Variants in C1orf54 observed in about 807,000 individuals in gnomAD.
C1orf54 encodes chromosome 1 open reading frame 54, also known as uncharacterized protein C1orf54.
A neutral mutation model predicts 14.7 loss-of-function variants in C1orf54; 12 were observed. The observed-to-expected ratio is 0.82, with a 90% CI of 0.52 to 1.32. C1orf54 has a LOEUF of 1.32. Ranked by LOEUF, C1orf54 falls within the 40% of genes most tolerant of loss-of-function variation. C1orf54 has a pLI of 0.00. For synonymous variants in C1orf54, 65 were observed against 56.3 expected, an observed-to-expected ratio of 1.16 and a Z score of -0.70; for missense variants, 163 against 162.2, an observed-to-expected ratio of 1.00 and a Z score of -0.03.
At chr1:150,275,926 C>T in intron 3 of C1orf54, 127 bp downstream of exon 3, 1 of 762,022 alleles carries the variant, frequency 1.3e-6, no homozygotes, top group Non-Finnish European at 2.1e-6. Flanking sequence ...CATTTGAGGT[C>T]AAGAGTTTGA....
intron 4 of C1orf54, among the ~76,000 whole-genome samples, 164 bp from the exon 5 acceptor site, chr1:150,279,476 CAGA>C (rs1271613473): frequency 2.0e-5 from 3 of 152,124 alleles, no homozygotes; most frequent in Non-Finnish European, 2.9e-5. Flanking sequence ...CTGAAAGGCA[CAGA>C]AGGACTCCTT....
chr1:150,279,916 T>C (rs1652958367), intron 5 of C1orf54, among the ~76,000 whole-genome samples, 175 bp downstream of exon 5: 1 of 152,126 alleles, frequency 6.6e-6, no homozygotes, highest in Non-Finnish European at 1.5e-5. Flanking sequence ...CACTTTGGGA[T>C]GGTGACGTGG....
rs782264525 is a variant in C1orf54 at position 150,279,723 on chromosome 1, G to A, written c.381G>A (p.Gly127=). ...TGTCGTGTGCCTTTGTTCAGGTGGG[G>A]ATGTATTTCATGTAGAAGGTAAGAG... The part of the protein sequence containing the change: ...LLLSCAFVQV[G]MYFM The change falls in exon 5 of 6, where the codon GGG becomes GGA. Residue 127 remains glycine (G), a synonymous_variant. Coordinates refer to ENST00000369099, the MANE Select transcript of C1orf54 (RefSeq NM_024579.4). The A allele has an allele frequency of 1.4e-5, 23 of 1,612,334 alleles. No homozygotes were observed. The highest frequency in any genetic ancestry group is 2.0e-5 in the Non-Finnish European group (23 of 1,179,222).
At chr1:150,269,771 T>G (rs1652067557), upstream of C1orf54, among the ~76,000 whole-genome samples, 1 of 151,898 alleles carries the variant, frequency 6.6e-6, no homozygotes, top group Admixed American at 6.6e-5. Flanking sequence ...TGAATGAAAG[T>G]TAAAGTAGGC....
chr1:150,277,961 G>GT (rs1392394246), intron 4 of C1orf54, among the ~76,000 whole-genome samples: 17 of 152,290 alleles, frequency 1.1e-4, no homozygotes, highest in Admixed American at 7.8e-4. Flanking sequence ...GCTGGGTGTG[G>GT]TGGCACATGC....
At chr1:150,268,764 G>T, upstream of C1orf54, 1 of 1,613,874 alleles carries the variant, frequency 6.2e-7, no homozygotes, top group Non-Finnish European at 8.5e-7. Flanking sequence ...CGCGAAGGCC[G>T]GGCCGAACGC....
chr1:150,275,662 G>A, intron 2 of C1orf54, 79 bp from the exon 3 acceptor site: 1 of 1,156,358 alleles, frequency 8.6e-7, no homozygotes, highest in Non-Finnish European at 1.3e-6. Flanking sequence ...ACTATTCTGA[G>A]TAATTTCTTC....
upstream of C1orf54, among the ~76,000 whole-genome samples, chr1:150,271,160 T>G (rs1204363772): frequency 6.6e-6 from 1 of 151,690 alleles, no homozygotes; most frequent in East Asian, 2.0e-4. Flanking sequence ...TTGCCTAGAC[T>G]GGAGTACAGT....
chr1:150,272,645 A>G, upstream of C1orf54: 1 of 649,266 alleles, frequency 1.5e-6, no homozygotes. Flanking sequence ...GGGGACCGGC[A>G]GTAACCGGAG....
In C1orf54 at chr1:150,276,533, T is replaced by C. The variant is rs375719934; in HGVS notation, c.201T>C (p.Asp67=). The C allele has an allele frequency of 3.1e-6, 5 of 1,613,720 alleles. No individual in the cohort carries two copies. In the African/African-American group the frequency reaches 5.3e-5, roughly 17 times the overall value. Residue 67 remains aspartate (D), a synonymous_variant, in exon 4 of 6, where the codon GAT becomes GAC. Transcript: ENST00000369099. ...CCTACTGAGGGTAGAACAGGTTGGA[T>C]AAGGACATAACAGAAGCAATAGAGA... is the stretch of plus-strand genomic sequence containing the variant. The part of the protein sequence containing the change: ...FESEDRLNRL[D]KDITEAIETT...
intron 1 of C1orf54, 21 bp from the exon 2 acceptor site, chr1:150,274,066 C>G (rs1572101340): frequency 6.4e-7 from 1 of 1,561,308 alleles, no homozygotes; most frequent in East Asian, 2.2e-5. Context: ...GTCCCTTGAC[C>G]TCTAGTCCTT....
At chr1:150,278,362 G>A (rs1553852908) in intron 4 of C1orf54, among the ~76,000 whole-genome samples, 1 of 152,236 alleles carries the variant, frequency 6.6e-6, no homozygotes, top group Non-Finnish European at 1.5e-5. Flanking sequence ...TGGGAACTAT[G>A]GGAGGCCAGA....
rs1553851560 is a variant in C1orf54 at position 150,272,883 on chromosome 1, T to C, written c.46+20T>C. ...TCCTGGGTAAGTCCACTCCTCTCTC[T>C]GAGCTTTTGTGCCAGGTCTTCTACC... On this transcript the variant is annotated intron_variant, in intron 1 of 5. Transcript: ENST00000369099. 5.6e-6 allele frequency: 9 copies of C among 1,613,766 alleles called. No homozygotes were observed. The highest frequency in any genetic ancestry group is 7.6e-6 in the Non-Finnish European group (9 of 1,179,670).
At chr1:150,280,470 G>A (rs1347696331) in intron 5 of C1orf54, among the ~76,000 whole-genome samples, 6 of 152,346 alleles carry the variant, frequency 3.9e-5, no homozygotes, top group East Asian at 1.9e-4. Flanking sequence ...AAGTCATGGC[G>A]AATGCCAGAG....
chr1:150,274,160 C>T lies in C1orf54; in HGVS notation c.120C>T (p.Thr40=). 1 of 1,609,420 alleles carries T rather than the reference C, an allele frequency of 6.2e-7. No homozygotes were observed. Among genetic ancestry groups the T allele is most frequent in the Non-Finnish European group, 8.5e-7 (1 of 1,175,850 alleles). The change falls in exon 2 of 6, where the codon ACC becomes ACT. Residue 40 remains threonine (T), a synonymous_variant. Transcript: ENST00000369099. ...AGGTGGTCTATTATTATACAGTCAC[C>T]CCCAGTTATGGTGAGTACATGAAAG... is the stretch of plus-strand genomic sequence containing the variant. ...YYQVVYYYTV[T]PSYDDFSADF...
At chr1:150,272,627 C>T (rs1436182209), upstream of C1orf54, 7 of 620,770 alleles carry the variant, frequency 1.1e-5, 1 homozygote, top group African/African-American at 1.3e-4. Context: ...ATCTGGGCAG[C>T]TCTGGCTGGG....
chr1:150,275,092 G>A (rs1479399815), intron 2 of C1orf54, among the ~76,000 whole-genome samples: 4 of 150,662 alleles, frequency 2.7e-5, no homozygotes, highest in Non-Finnish European at 5.9e-5. Flanking sequence ...AGGCTAGAGT[G>A]CAGTGGCACA....
rs1049170024 is a variant in C1orf54 at position 150,276,559 on chromosome 1, C to G, written c.227C>G (p.Thr76Ser). ...LDKDITEAIE[T>S]TISLETARAD... ...AAGGACATAACAGAAGCAATAGAGACTACCATTAGTCTTGAAACAGCACGT... is the reference window on the plus strand; with the variant it reads ...AAGGACATAACAGAAGCAATAGAGAGTACCATTAGTCTTGAAACAGCACGT... The change falls in exon 4 of 6, where the codon ACT (threonine) becomes AGT (serine). Residue 76 changes from threonine to serine, a missense_variant. Physicochemically the swap from Thr to Ser is moderately conservative, Grantham distance 58. Coordinates refer to ENST00000369099, the MANE Select transcript of C1orf54 (RefSeq NM_024579.4). 4.3e-6 allele frequency: 7 copies of G among 1,613,970 alleles called. No homozygotes were observed. In the African/African-American group the frequency reaches 6.7e-5, roughly 15 times the overall value.
At position 150,276,538 on chromosome 1, in the gene C1orf54, A is replaced by G; in HGVS notation, c.206A>G (p.Asp69Gly). Residue 69 changes from aspartate (D) to glycine (G), a missense_variant, in exon 4 of 6, where the codon GAC becomes GGC. Transcript: ENST00000369099. The part of the protein sequence containing the change: ...SEDRLNRLDK[D>G]ITEAIETTIS... Reference sequence around the variant, plus strand: ...TGAGGGTAGAACAGGTTGGATAAGGACATAACAGAAGCAATAGAGACTACC... The same window carrying G: ...TGAGGGTAGAACAGGTTGGATAAGGGCATAACAGAAGCAATAGAGACTACC... The G allele has an allele frequency of 6.2e-7, 1 of 1,614,018 alleles. No homozygotes were observed. The highest frequency in any genetic ancestry group is 8.5e-7 in the Non-Finnish European group (1 of 1,179,896).
Sources: allele counts gnomAD v4.1 joint callset (sites outside exome capture counted in the v4.1 genomes callset), GRCh38; gene constraint gnomAD v4.1.1; transcripts MANE v1.5; gene names NCBI Gene and HGNC (gene_info 2026-07-23, HGNC 2026-07-21).